The following ATG2A variants were observed in gnomAD, a reference collection of about 807,000 sequenced individuals.
The protein encoded by ATG2A is autophagy related 2A.
A neutral mutation model predicts 214.2 loss-of-function variants in ATG2A; 103 were observed. That is an observed-to-expected ratio of 0.48 (90% CI 0.41 to 0.57). The LOEUF is 0.57. Ranked by LOEUF, ATG2A falls within the 20% of genes least tolerant of loss-of-function variation. The probability of loss-of-function intolerance (pLI) is 0.00; values close to 1 mark genes in which losing one functional copy is unlikely to be tolerated. For missense variants in ATG2A, 2,312 were observed against 2,613.2 expected, an observed-to-expected ratio of 0.88 and a Z score of 2.51; for synonymous variants, 1,160 against 1,142.1, an observed-to-expected ratio of 1.02 and a Z score of -0.32.
chr11:64,914,607 TG>T, intron 1 of ATG2A, 107 bp from the exon 2 acceptor site: 3 of 1,394,306 alleles, frequency 2.2e-6, no homozygotes, highest in Non-Finnish European at 1.9e-6. Flanking sequence ...TGGCTTGCCC[TG>T]TCCCTCCACG....
At position 64,906,342 on chromosome 11, in the gene ATG2A, T is replaced by G. The variant is rs1210385369; in HGVS notation, c.3175A>C (p.Asn1059His). Residue 1059 changes from asparagine (N) to histidine (H), a missense_variant, in exon 21 of 41, where the codon AAT (asparagine) becomes CAT (histidine). Transcript: ENST00000377264. ...AVRIHLDPHK[N>H]VKEFLVTLRL... ...GGTAGGCAAGCCCATACCTTCACAT[T>G]CTTGTGGGGGTCCAGGTGGATGCGC... 1 of 1,612,872 alleles carries G rather than the reference T, an allele frequency of 6.2e-7. No homozygotes were observed. The highest frequency in any genetic ancestry group is 1.3e-5 in the African/African-American group (1 of 74,892).
rs1026341900 is a variant in ATG2A at position 64,911,026 on chromosome 11, T to C, written c.1466+12A>G. On this transcript the variant is annotated intron_variant, in intron 10 of 40. Coordinates refer to ENST00000377264, the MANE Select transcript of ATG2A (RefSeq NM_015104.3). ...GATGGTCTCTCCTCAGGCCCTGGCC[T>C]CGGGCTTATACCGAACATGGCTACA... The C allele has an allele frequency of 6.2e-7, 1 of 1,613,908 alleles. No individual in the cohort carries two copies. The highest frequency in any genetic ancestry group is 1.3e-5 in the African/African-American group (1 of 75,058).
rs372539224 is a variant in ATG2A, at chr11:64,910,568, G to T, written c.1707+48C>A. 73 of 1,553,712 alleles carry T rather than the reference G, an allele frequency of 4.7e-5. No individual in the cohort carries two copies. The African/African-American group carries it at 8.0e-4, about 17-fold the overall frequency. ...AGGCCCTGGCAGAGGCCAGGGTGGG[G>T]TCAACACGCCATGGGGACAGCCTGG... is the stretch of plus-strand genomic sequence containing the variant. On this transcript the variant is annotated intron_variant, in intron 12 of 40. Coordinates refer to ENST00000377264, the MANE Select transcript of ATG2A (RefSeq NM_015104.3).
intron 24 of ATG2A, among the ~76,000 whole-genome samples, chr11:64,904,734 A>G (rs962271019): frequency 6.6e-6 from 1 of 152,142 alleles, no homozygotes; most frequent in African/African-American, 2.4e-5. Context: ...ACACCCCTTC[A>G]TAAACTGATT....
At chr11:64,899,539 G>C (rs1179035728) in intron 31 of ATG2A, among the ~76,000 whole-genome samples, 1 of 152,112 alleles carries the variant, frequency 6.6e-6, no homozygotes, top group Non-Finnish European at 1.5e-5. Context: ...GGGAAGCCCA[G>C]CACTGGCCTG....
At position 64,898,911 on chromosome 11, in the gene ATG2A, C is replaced by CCCCTT. The variant is rs1944256471; in HGVS notation, c.4465-74_4465-70dup. 1 of 1,439,110 alleles carries CCCCTT rather than the reference C, an allele frequency of 6.9e-7. No homozygotes were observed. Among genetic ancestry groups the CCCCTT allele is most frequent in the Non-Finnish European group, 9.5e-7 (1 of 1,053,370 alleles). 89.1% of individuals were successfully genotyped at this position (1,439,110 alleles called of 1,614,324 possible). On this transcript the variant is annotated intron_variant, in intron 31 of 40. Transcript: ENST00000377264. The surrounding 1 kb of genome is among the most constrained non-coding windows in gnomAD (Gnocchi z 4.5). The stretch of plus-strand genomic sequence containing the variant: ...GAGGGAGGGAAGGGCTGGCCCCAGA[C>CCCCTT]CCCTTCTCTATTCTTTTTTTGAGAC...
rs1212037995 is a variant in ATG2A at position 64,902,182 on chromosome 11, G to C, written c.3905-6C>G. 2 of 1,612,808 alleles carry C rather than the reference G, an allele frequency of 1.2e-6. No individual in the cohort carries two copies. The highest frequency in any genetic ancestry group is 1.7e-6 in the Non-Finnish European group (2 of 1,180,002). On this transcript the variant is annotated splice_polypyrimidine_tract_variant and splice_region_variant and intron_variant, in intron 28 of 40. Coordinates refer to ENST00000377264, the MANE Select transcript of ATG2A (RefSeq NM_015104.3). ...CGCCTGAGGGAGGTGGCCACCTATA[G>C]GAGAGAGGCCAGTTTGGAGAGGCGC...
intron 6 of ATG2A, chr11:64,912,830 T>C (rs1222626070): frequency 3.2e-5 from 17 of 525,724 alleles, no homozygotes; most frequent in South Asian, 4.8e-5. Context: ...TGACCTCAGA[T>C]GATCCACCCA....
chr11:64,901,360 TA>T (rs1944346098), intron 29 of ATG2A, among the ~76,000 whole-genome samples: 1 of 152,038 alleles, frequency 6.6e-6, no homozygotes, highest in African/African-American at 2.4e-5. Context: ...ATTTTATTTT[TA>T]TTTTTTGTAG....
chr11:64,907,158 C>T (rs1052679569), intron 19 of ATG2A, 97 bp downstream of exon 19: 20 of 1,379,274 alleles, frequency 1.5e-5, no homozygotes, highest in Middle Eastern at 2.6e-4. Flanking sequence ...GCCTCCTGCT[C>T]TCCACATTCT....
At chr11:64,915,653 G>A (rs780530675) in intron 1 of ATG2A, among the ~76,000 whole-genome samples, 16 of 152,128 alleles carry the variant, frequency 1.1e-4, no homozygotes, top group South Asian at 2.1e-4. Context: ...GGGAACAGGA[G>A]TAGGGGCGTT....
chr11:64,916,395 G>T (rs1001124227), intron 1 of ATG2A, among the ~76,000 whole-genome samples: 2 of 152,142 alleles, frequency 1.3e-5, no homozygotes, highest in African/African-American at 4.8e-5. Context: ...AGTAGGCAGC[G>T]ACCCAGGCAC....
chr11:64,895,812 A>T lies in ATG2A; in HGVS notation c.5428-370T>A, dbSNP rs1286059145. On this transcript the variant is annotated intron_variant, in intron 39 of 40. Transcript: ENST00000377264. This position sits in a 1 kb window ranked among gnomAD's most constrained non-coding sequence, Gnocchi z 5.0. Reference sequence around the variant, plus strand: ...CCAGACGCCCCTGCCAGATGGTCAGAGGCCCATCCTTCCTTCTGTCTGCCA... The same window carrying T: ...CCAGACGCCCCTGCCAGATGGTCAGTGGCCCATCCTTCCTTCTGTCTGCCA... Among the ~76,000 whole-genome samples the T allele has an allele frequency of 2.6e-5, 4 of 152,080 alleles. No homozygotes were observed. The highest frequency in any genetic ancestry group is 4.4e-5 in the Non-Finnish European group (3 of 67,966).
rs745973761 is a variant in ATG2A, at chr11:64,895,268, G to A, written c.5580+22C>T. The A allele has an allele frequency of 3.1e-6, 5 of 1,613,038 alleles. No individual in the cohort carries two copies. In the Admixed American group the frequency reaches 6.7e-5, roughly 22 times the overall value. On this transcript the variant is annotated intron_variant, in intron 40 of 40. Coordinates refer to ENST00000377264, the MANE Select transcript of ATG2A (RefSeq NM_015104.3). The surrounding 1 kb of genome is among the most constrained non-coding windows in gnomAD (Gnocchi z 5.0). ...TGAGGAGATGGGCATGGGGGACTGG[G>A]GCAGGGCGGGGGCCTGGTCACCTCT... is the stretch of plus-strand genomic sequence containing the variant.
Position 64,897,661 on chromosome 11 carries a change from C to T in ATG2A, c.5067+10G>A, listed in dbSNP as rs200967979. The T allele has an allele frequency of 6.2e-7, 1 of 1,614,220 alleles. No individual in the cohort carries two copies. Among genetic ancestry groups the T allele is most frequent in the East Asian group, 2.2e-5 (1 of 44,884 alleles). ...CCCACATGGCCACCCCATCCGACCG[C>T]CCCACTTACCACCTGGTCCATCGTG... On this transcript the variant is annotated intron_variant, in intron 36 of 40. Transcript: ENST00000377264.
chr11:64,916,895 G>A (rs1029317687), intron 1 of ATG2A, 70 bp downstream of exon 1: 8 of 1,581,326 alleles, frequency 5.1e-6, no homozygotes, highest in Non-Finnish European at 6.9e-6. Context: ...GCCCGATCCT[G>A]CCGCAGGGAG....
intron 37 of ATG2A, 79 bp from the exon 38 acceptor site, chr11:64,896,948 G>A: frequency 6.4e-7 from 1 of 1,567,332 alleles, no homozygotes. Flanking sequence ...GGAGGACTCA[G>A]TACCCCTGTG....
chr11:64,897,468 G>C lies in ATG2A; in HGVS notation c.5094C>G (p.Gly1698=). 1 of 1,577,384 alleles carries C rather than the reference G, an allele frequency of 6.3e-7. No homozygotes were observed. Among genetic ancestry groups the C allele is most frequent in the Non-Finnish European group, 8.6e-7 (1 of 1,161,380 alleles). The change falls in exon 37 of 41, where the codon GGC becomes GGG. Residue 1698 remains glycine, a synonymous_variant. Coordinates refer to ENST00000377264, the MANE Select transcript of ATG2A (RefSeq NM_015104.3). ...QVGTFAGLLI[G]LAQLNCSELK... ...GCTCGGAGCAGTTGAGTTGGGCCAG[G>C]CCGATGAGGAGGCCAGCAAAAGTGC...
At position 64,914,148 on chromosome 11, in the gene ATG2A, T is replaced by G; in HGVS notation, c.420A>C (p.Leu140=). The G allele has an allele frequency of 6.4e-7, 1 of 1,552,850 alleles. No homozygotes were observed. The highest frequency in any genetic ancestry group is 1.2e-5 in the South Asian group (1 of 84,198). Residue 140 remains leucine, a synonymous_variant, in exon 3 of 41, where the codon CTA becomes CTC. Coordinates refer to ENST00000377264, the MANE Select transcript of ATG2A (RefSeq NM_015104.3). Reference sequence around the variant, plus strand: ...GCTGTGGTGGCTCAGAGGGCTCCGGTAGCCCATCCCGCAGACACTCCTGGG... The same window carrying G: ...GCTGTGGTGGCTCAGAGGGCTCCGGGAGCCCATCCCGCAGACACTCCTGGG... ...QLAQECLRDG[L]PEPSEPPQPL...
Sources: allele counts gnomAD v4.1 joint callset (sites outside exome capture counted in the v4.1 genomes callset), GRCh38; gene constraint gnomAD v4.1.1; non-coding constraint Gnocchi (gnomAD v3.1); transcripts MANE v1.5; gene names NCBI Gene and HGNC (gene_info 2026-07-23, HGNC 2026-07-21).